KRT8: variants seen among roughly 807,000 people sequenced by gnomAD.
The protein encoded by KRT8 is keratin, type II cytoskeletal 8.
Under a neutral mutation model 43.0 loss-of-function variants are expected in KRT8, and 24 were observed. The observed-to-expected ratio is 0.56, with a 90% CI of 0.40 to 0.78. KRT8 has a LOEUF of 0.78. Ranked by LOEUF, KRT8 falls within the 30% of genes least tolerant of loss-of-function variation. The pLI, the probability that KRT8 is intolerant of heterozygous loss-of-function variation, is 0.00. For missense variants in KRT8, 492 were observed against 638.4 expected (o/e 0.77, Z 2.47); for synonymous variants, 214 against 261.2 (o/e 0.82, Z 1.74).
intron 2 of KRT8, among the ~76,000 whole-genome samples, chr12:52,945,071 T>C (rs1054940297): frequency 5.3e-5 from 8 of 152,180 alleles, no homozygotes; most frequent in African/African-American, 1.7e-4. Flanking sequence ...ACCTAAAGTA[T>C]TTACGGAGCT....
chr12:52,946,931 TTATC>T (rs1471834208), intron 2 of KRT8: 1 of 152,456 alleles, frequency 6.6e-6, no homozygotes, highest in Non-Finnish European at 1.5e-5. Flanking sequence ...CTCAGGCTCT[TTATC>T]TGTGCTCTGC....
At chr12:52,935,620 T>C (rs1000110203) in intron 2 of KRT8, among the ~76,000 whole-genome samples, 5 of 148,976 alleles carry the variant, frequency 3.4e-5, no homozygotes, top group Non-Finnish European at 7.4e-5. Context: ...ACACAAAAAA[T>C]ACAAACCATA....
At chr12:52,938,670 T>C (rs1051455144) in intron 2 of KRT8, among the ~76,000 whole-genome samples, 1 of 151,438 alleles carries the variant, frequency 6.6e-6, no homozygotes, top group African/African-American at 2.4e-5. Flanking sequence ...GAGGCTGGAG[T>C]GCAGTGGTGC....
At chr12:52,917,702 C>T (rs1045391319) in intron 2 of KRT8, among the ~76,000 whole-genome samples, 1 of 98,874 alleles carries the variant, frequency 1.0e-5, no homozygotes, top group Non-Finnish European at 1.9e-5. Context: ...GGGCGAGACT[C>T]TGTCTCAAAA....
intron 2 of KRT8, among the ~76,000 whole-genome samples, chr12:52,927,972 G>A (rs763337957): frequency 3.9e-5 from 6 of 152,144 alleles, no homozygotes; most frequent in African/African-American, 9.7e-5. Flanking sequence ...AAGGAGAATC[G>A]CTTGAGAGGC....
chr12:52,909,382 ACAG>A (rs1379656469), upstream of KRT8, among the ~76,000 whole-genome samples: 1 of 152,230 alleles, frequency 6.6e-6, no homozygotes, highest in Non-Finnish European at 1.5e-5. Context: ...TAGCATAGAG[ACAG>A]CAGAACAATT....
At chr12:52,925,589 G>A (rs1469389898) in intron 2 of KRT8, among the ~76,000 whole-genome samples, 5 of 152,278 alleles carry the variant, frequency 3.3e-5, no homozygotes, top group East Asian at 1.9e-4. Flanking sequence ...TCTCTTTGGC[G>A]GAGGTGGGGT....
chr12:52,938,907 G>A (rs897871570), intron 2 of KRT8, among the ~76,000 whole-genome samples: 1 of 151,912 alleles, frequency 6.6e-6, no homozygotes, highest in South Asian at 2.1e-4. Flanking sequence ...GTGAGCCACC[G>A]CGCCTGGCCT....
In KRT8 at chr12:52,901,204, G is replaced by C. The variant is rs570380677; in HGVS notation, c.549C>G (p.Ile183Met). Residue 183 changes from isoleucine (I) to methionine (M), a missense_variant, in exon 3 of 8, where the codon ATC (isoleucine) becomes ATG (methionine). Physicochemically the swap from Ile to Met is conservative, Grantham distance 10. Coordinates refer to ENST00000692008, the Ensembl canonical transcript of KRT8. ...CGTTCTCCATCTCTGTACGCTTATT[G>C]ATCTCATCCTCATACCTGTGAGGAA... is the stretch of plus-strand genomic sequence containing the variant. The C allele has an allele frequency of 1.4e-4, 223 of 1,611,344 alleles. 2 individuals are homozygous for C. In the South Asian group the frequency reaches 2.3e-3, roughly 17 times the overall value.
chr12:52,903,947 A>T (rs1388162096), intron 1 of KRT8, among the ~76,000 whole-genome samples: 2 of 148,712 alleles, frequency 1.3e-5, no homozygotes, highest in Non-Finnish European at 3.0e-5. Context: ...TGCTGCCCGC[A>T]GCCCCTCACC....
intron 2 of KRT8, among the ~76,000 whole-genome samples, chr12:52,923,409 A>G (rs1565727679): frequency 6.6e-6 from 1 of 151,896 alleles, no homozygotes; most frequent in South Asian, 2.1e-4. Flanking sequence ...TTATTCCTAA[A>G]TTGTTTTGTT....
chr12:52,933,295 C>T (rs1942114483), intron 2 of KRT8, among the ~76,000 whole-genome samples: 1 of 152,128 alleles, frequency 6.6e-6, no homozygotes, highest in Admixed American at 6.6e-5. Flanking sequence ...GAAATTCAAA[C>T]TGAAAAAGCA....
At chr12:52,918,499 C>G (rs933507796) in intron 2 of KRT8, among the ~76,000 whole-genome samples, 1 of 152,190 alleles carries the variant, frequency 6.6e-6, no homozygotes, top group Admixed American at 6.5e-5. Flanking sequence ...AGACAGACGC[C>G]GCGCAGGTGC....
At chr12:52,918,249 A>AGAAGAAGAAGAAGAAGAG (rs1565725915) in intron 2 of KRT8, among the ~76,000 whole-genome samples, 3 of 151,888 alleles carry the variant, frequency 2.0e-5, no homozygotes, top group South Asian at 4.2e-4. Context: ...AAGAAGAAGA[A>AGAAGAAGAAGAAGAAGAG]GAAGAAGAAA....
At chr12:52,925,110 C>A (rs1271537522) in intron 2 of KRT8, among the ~76,000 whole-genome samples, 1 of 152,116 alleles carries the variant, frequency 6.6e-6, no homozygotes, top group African/African-American at 2.4e-5. Flanking sequence ...TGAGGGGATA[C>A]CTTCAGGGGA....
intron 2 of KRT8, among the ~76,000 whole-genome samples, chr12:52,935,130 CA>C (rs556195932): frequency 1.0e-3 from 155 of 151,600 alleles, no homozygotes; most frequent in African/African-American, 3.4e-3. Context: ...CCCGTAATCC[CA>C]GCACTTTGGG....
At chr12:52,944,143 T>G (rs1942308972) in intron 2 of KRT8, among the ~76,000 whole-genome samples, 1 of 152,168 alleles carries the variant, frequency 6.6e-6, no homozygotes, top group South Asian at 2.1e-4. Context: ...TTGGTCCTCA[T>G]GAAAACTCTC....
At chr12:52,925,374 C>G (rs1454497117) in intron 2 of KRT8, among the ~76,000 whole-genome samples, 1 of 152,168 alleles carries the variant, frequency 6.6e-6, no homozygotes, top group African/African-American at 2.4e-5. Flanking sequence ...CTGGGAGAGA[C>G]TGTGGGCCCC....
upstream of KRT8, chr12:52,906,615 G>T: frequency 2.3e-6 from 1 of 444,122 alleles, no homozygotes; most frequent in Non-Finnish European, 4.6e-6. Flanking sequence ...AGGAGGTTTA[G>T]GTCCCCAAGG....
Sources: gnomAD v4.1 joint callset for allele counts (sites outside exome capture counted in the v4.1 genomes callset) on GRCh38, gnomAD v4.1.1 for gene constraint, MANE v1.5 for transcripts, NCBI Gene and HGNC (gene_info 2026-07-23, HGNC 2026-07-21) for gene names.